CTNNA2: variants seen among roughly 807,000 people sequenced by gnomAD.
The protein encoded by CTNNA2 is catenin alpha-2.
Under a neutral mutation model 101.0 loss-of-function variants are expected in CTNNA2, and 42 were observed. The observed-to-expected ratio is 0.42, with a 90% CI of 0.32 to 0.54. The LOEUF is 0.54. Among genes scored for constraint, CTNNA2 ranks in the 20% least tolerant of loss-of-function variants. CTNNA2 has a pLI of 0.14. For synonymous variants in CTNNA2, 450 were observed against 456.4 expected, an observed-to-expected ratio of 0.99 and a Z score of 0.18; for missense variants, 871 against 1,223.1, an observed-to-expected ratio of 0.71 and a Z score of 4.29.
chr2:79,755,408 C>T (rs143833670), intron 3 of CTNNA2, among the ~76,000 whole-genome samples: 30 of 152,248 alleles, frequency 2.0e-4, no homozygotes, highest in Middle Eastern at 3.4e-3. Flanking sequence ...TGGAGGATGT[C>T]GTTCTTGAGT....
At chr2:79,550,354 A>G (rs1193830802) in intron 1 of CTNNA2, among the ~76,000 whole-genome samples, 1 of 152,176 alleles carries the variant, frequency 6.6e-6, no homozygotes, top group African/African-American at 2.4e-5. Context: ...GACTCTGGGC[A>G]AGGCACATTT....
intron 7 of CTNNA2, among the ~76,000 whole-genome samples, chr2:80,137,528 G>A (rs1166499532): frequency 6.6e-6 from 1 of 152,062 alleles, no homozygotes; most frequent in African/African-American, 2.4e-5. Flanking sequence ...CCTGGACTAG[G>A]GAGGTAATGG....
At chr2:80,232,333 G>GTTTGTT (rs1709264778) in intron 7 of CTNNA2, among the ~76,000 whole-genome samples, 16 of 45,358 alleles carry the variant, frequency 3.5e-4, no homozygotes, top group African/African-American at 2.8e-3. Context: ...TTGTTTGTTT[G>GTTTGTT]TTTGTTTGTT....
intron 2 of CTNNA2, among the ~76,000 whole-genome samples, chr2:79,305,277 T>C (rs150018671): frequency 1.3e-5 from 2 of 150,378 alleles, no homozygotes; most frequent in African/African-American, 2.4e-5. Context: ...TATGCATATA[T>C]GTAGATACGT....
chr2:79,971,347 A>G (rs1354312427), intron 7 of CTNNA2, among the ~76,000 whole-genome samples: 1 of 152,034 alleles, frequency 6.6e-6, no homozygotes, highest in East Asian at 1.9e-4. Flanking sequence ...ATATTTCCTT[A>G]TATCGTTTAT....
At chr2:79,635,000 G>A (rs572652687) in intron 1 of CTNNA2, among the ~76,000 whole-genome samples, 7 of 152,188 alleles carry the variant, frequency 4.6e-5, no homozygotes, top group African/African-American at 1.4e-4. Flanking sequence ...TCATATTTGC[G>A]AAAACCATTA....
chr2:79,945,385 C>T (rs1688427206), intron 7 of CTNNA2, among the ~76,000 whole-genome samples: 2 of 152,074 alleles, frequency 1.3e-5, no homozygotes, highest in Admixed American at 6.6e-5. Flanking sequence ...GGTAATAATA[C>T]TCCTTGTATT....
chr2:79,304,528 G>A (rs1039445410), intron 2 of CTNNA2, among the ~76,000 whole-genome samples: 3 of 152,076 alleles, frequency 2.0e-5, no homozygotes, highest in Admixed American at 6.5e-5. Flanking sequence ...CAGACAAATA[G>A]GATATCCCAG....
intron 15 of CTNNA2, among the ~76,000 whole-genome samples, chr2:80,597,794 G>T (rs1255001940): frequency 6.6e-6 from 1 of 152,096 alleles, no homozygotes; most frequent in Non-Finnish European, 1.5e-5. Flanking sequence ...AGTCAGAATG[G>T]CGATCATTAA....
At chr2:80,436,385 T>A (rs1364328902) in intron 9 of CTNNA2, among the ~76,000 whole-genome samples, 1 of 151,878 alleles carries the variant, frequency 6.6e-6, no homozygotes, top group African/African-American at 2.4e-5. Context: ...AATGTTCAAG[T>A]TTGTGAAGCT....
chr2:80,420,565 CT>C (rs374359993), intron 9 of CTNNA2, among the ~76,000 whole-genome samples: 19 of 149,560 alleles, frequency 1.3e-4, no homozygotes, highest in East Asian at 2.0e-4. Flanking sequence ...AAAATAAGTT[CT>C]TTTTTTTTTC....
intron 7 of CTNNA2, among the ~76,000 whole-genome samples, chr2:80,157,820 T>G (rs1411087492): frequency 6.6e-6 from 1 of 152,104 alleles, no homozygotes; most frequent in Non-Finnish European, 1.5e-5. Context: ...TGTTCCACAC[T>G]TCAGTTCTGC....
chr2:79,523,975 T>A (rs1282919738), intron 1 of CTNNA2, among the ~76,000 whole-genome samples: 1 of 152,114 alleles, frequency 6.6e-6, no homozygotes, highest in Non-Finnish European at 1.5e-5. Context: ...TGGGTATAAG[T>A]AATTTGTTGT....
intron 7 of CTNNA2, among the ~76,000 whole-genome samples, chr2:79,962,853 C>T (rs866295480): frequency 1.6e-4 from 25 of 152,122 alleles, no homozygotes; most frequent in African/African-American, 4.8e-4. Flanking sequence ...GGGCGGATCA[C>T]GAGGTCAGGA....
In CTNNA2 at chr2:79,525,441, A is replaced by G. The variant is rs1316799703; in HGVS notation, c.-6+12234A>G. Among the ~76,000 whole-genome samples the G allele has an allele frequency of 2.0e-5, 3 of 152,074 alleles. No homozygotes were observed. In the East Asian group the frequency reaches 5.8e-4, roughly 29 times the overall value. Reference sequence around the variant, plus strand: ...TCTGGTCTAGTCTTTCTGCATACATATCAGTATTGATTTATCATTAATGAA... The same window carrying G: ...TCTGGTCTAGTCTTTCTGCATACATGTCAGTATTGATTTATCATTAATGAA... On this transcript the variant is annotated intron_variant, in intron 1 of 18. Transcript: ENST00000402739.
intron 7 of CTNNA2, among the ~76,000 whole-genome samples, chr2:79,994,582 T>G (rs1012205917): frequency 6.6e-6 from 1 of 151,454 alleles, no homozygotes; most frequent in African/African-American, 2.4e-5. Flanking sequence ...TTTCTTCTGT[T>G]TCATAGGAAA....
chr2:79,713,247 C>T (rs1263011781), intron 2 of CTNNA2, among the ~76,000 whole-genome samples: 1 of 151,994 alleles, frequency 6.6e-6, no homozygotes, highest in Non-Finnish European at 1.5e-5. Flanking sequence ...AATACAGTTC[C>T]ACAATTTATC....
chr2:79,574,200 T>C (rs1387378649), intron 1 of CTNNA2: 1 of 152,162 alleles, frequency 6.6e-6, no homozygotes, highest in Admixed American at 6.5e-5. Flanking sequence ...GAAAGGAACA[T>C]TTTCTTTTTC....
chr2:80,368,682 A>G (rs1675157139), intron 7 of CTNNA2, among the ~76,000 whole-genome samples: 1 of 151,936 alleles, frequency 6.6e-6, no homozygotes, highest in Non-Finnish European at 1.5e-5. Flanking sequence ...TCCTTTTGTG[A>G]CAGCAAACTC....
Sources: allele counts gnomAD v4.1 joint callset (sites outside exome capture counted in the v4.1 genomes callset), GRCh38; gene constraint gnomAD v4.1.1; transcripts MANE v1.5; gene names NCBI Gene and HGNC (gene_info 2026-07-23, HGNC 2026-07-21).